Variants in PKHD1 observed in about 807,000 individuals in gnomAD.
PKHD1 encodes fibrocystin.
In PKHD1, 291 loss-of-function variants were observed where a neutral mutation model predicts 412.0. The ratio of observed to expected loss-of-function variants is 0.71; its 90% CI spans 0.64 to 0.78. The LOEUF is 0.78. Among genes scored for constraint, PKHD1 ranks in the 30% least tolerant of loss-of-function variants. PKHD1 has a pLI of 0.00. For missense variants in PKHD1, 4,825 were observed against 4,950.7 expected (o/e 0.97, Z 0.76); for synonymous variants, 1,777 against 1,821.5 (o/e 0.98, Z 0.62).
chr6:51,909,158 A>C, intron 40 of PKHD1, 125 bp downstream of exon 40: 1 of 788,684 alleles, frequency 1.3e-6, no homozygotes, highest in Non-Finnish European at 2.2e-6. Context: ...TAGACCTAGA[A>C]TATAACAATT....
At chr6:51,791,755 G>A (rs1169886204) in intron 52 of PKHD1, among the ~76,000 whole-genome samples, 1 of 152,194 alleles carries the variant, frequency 6.6e-6, no homozygotes, top group East Asian at 1.9e-4. Flanking sequence ...GCCTCTGAGG[G>A]AAGACTATTT....
chr6:51,794,156 C>A (rs1794208880), intron 52 of PKHD1, among the ~76,000 whole-genome samples: 1 of 151,716 alleles, frequency 6.6e-6, no homozygotes. Context: ...TCTGCCTCAG[C>A]CTCCCGAGTA....
At chr6:51,719,493 C>T (rs1466635357) in intron 60 of PKHD1, among the ~76,000 whole-genome samples, 1 of 152,126 alleles carries the variant, frequency 6.6e-6, no homozygotes, top group Admixed American at 6.6e-5. Flanking sequence ...ATGCCAGTAG[C>T]ACCCCTCCAG....
At chr6:51,848,489 C>G (rs1399182530) in intron 49 of PKHD1, among the ~76,000 whole-genome samples, 1 of 152,166 alleles carries the variant, frequency 6.6e-6, no homozygotes, top group African/African-American at 2.4e-5. Flanking sequence ...CCCATTTTTA[C>G]ATTGAGGAAA....
At chr6:51,622,941 T>C (rs898508521) in intron 66 of PKHD1, 1 of 152,182 alleles carries the variant, frequency 6.6e-6, no homozygotes, top group Non-Finnish European at 1.5e-5. Context: ...CTATTACCTA[T>C]ATATGATATC....
chr6:51,887,306 G>T, intron 43 of PKHD1, 61 bp from the exon 44 acceptor site: 2 of 1,057,472 alleles, frequency 1.9e-6, no homozygotes, highest in Non-Finnish European at 3.0e-6. Context: ...TTGCTGGAAA[G>T]AAAGACTCTT....
At chr6:51,927,073 G>T (rs1346473416) in intron 37 of PKHD1, among the ~76,000 whole-genome samples, 1 of 152,116 alleles carries the variant, frequency 6.6e-6, no homozygotes, top group African/African-American at 2.4e-5. Context: ...TTTAAGAGTA[G>T]AAAAAGGAAT....
intron 55 of PKHD1, among the ~76,000 whole-genome samples, chr6:51,764,946 A>T (rs912731076): frequency 6.6e-6 from 1 of 151,964 alleles, no homozygotes; most frequent in Non-Finnish European, 1.5e-5. Flanking sequence ...TCTTCTACCC[A>T]TGTCTTCTTC....
chr6:51,986,177 A>C (rs1796195916), intron 35 of PKHD1, among the ~76,000 whole-genome samples: 1 of 152,244 alleles, frequency 6.6e-6, no homozygotes, highest in Non-Finnish European at 1.5e-5. Flanking sequence ...CTAATATTAT[A>C]GAAATGCCAT....
chr6:51,761,452 G>T (rs1030108024), intron 55 of PKHD1, among the ~76,000 whole-genome samples: 1 of 152,008 alleles, frequency 6.6e-6, no homozygotes, highest in Non-Finnish European at 1.5e-5. Flanking sequence ...GGGAAGCAAA[G>T]GTTGAAGAAA....
rs192442116 is a variant in PKHD1, at chr6:51,927,780, G to A, written c.6121+6330C>T. Among the ~76,000 whole-genome samples, 358 of 152,318 alleles carry A rather than the reference G, an allele frequency of 2.4e-3. 2 individuals carry two copies. Among genetic ancestry groups the A allele is most frequent in the Admixed American group, 4.6e-3 (71 of 15,304 alleles). On this transcript the variant is annotated intron_variant, in intron 37 of 66. Transcript: ENST00000371117. ...GGGTGATAAGTGAAACATCTTTCAT[G>A]TGGATTTGTAAGTTTCCTCTGGATA...
chr6:51,979,962 C>T (rs950903636), intron 35 of PKHD1, among the ~76,000 whole-genome samples: 2 of 152,174 alleles, frequency 1.3e-5, no homozygotes, highest in Non-Finnish European at 1.5e-5. Flanking sequence ...GCGCTCAGTG[C>T]CCACTGCTTT....
chr6:51,702,058 C>T (rs1278495516), intron 60 of PKHD1, among the ~76,000 whole-genome samples: 4 of 149,186 alleles, frequency 2.7e-5, no homozygotes, highest in Non-Finnish European at 5.9e-5. Flanking sequence ...ACTACTTGCA[C>T]ACACATGTTT....
At chr6:52,073,433 A>G in intron 7 of PKHD1, 30 bp downstream of exon 7, 1 of 1,359,844 alleles carries the variant, frequency 7.4e-7, no homozygotes, top group Non-Finnish European at 1.1e-6. Context: ...GTATGTAACT[A>G]GTTAAACACA....
chr6:52,030,320 G>T (rs953226800), intron 29 of PKHD1, among the ~76,000 whole-genome samples: 3 of 152,078 alleles, frequency 2.0e-5, no homozygotes, highest in Admixed American at 2.0e-4. Flanking sequence ...CAATAACATG[G>T]TTAATAAAGC....
intron 41 of PKHD1, among the ~76,000 whole-genome samples, chr6:51,906,005 C>T (rs973104818): frequency 6.6e-6 from 1 of 152,114 alleles, no homozygotes; most frequent in Non-Finnish European, 1.5e-5. Context: ...CTGAACTAAC[C>T]TTTAAAAGAT....
rs569439483 is a variant in PKHD1, at chr6:51,969,186, G to A, written c.5752-9160C>T. On this transcript the variant is annotated intron_variant, in intron 35 of 66. Coordinates refer to ENST00000371117, the MANE Select transcript of PKHD1 (RefSeq NM_138694.4). ...AGGAGACCATGTGGCTAGAACCCAA[G>A]AACAGCCTTTAATTGCTGAAAGTGG... Among the ~76,000 whole-genome samples, 2 of 152,288 alleles carry A rather than the reference G, an allele frequency of 1.3e-5. 1 individual carries two copies. The highest frequency in any genetic ancestry group is 4.1e-4 in the South Asian group (2 of 4,820).
chr6:51,745,520 G>A (rs895504730), intron 59 of PKHD1, among the ~76,000 whole-genome samples: 1 of 151,984 alleles, frequency 6.6e-6, no homozygotes. Context: ...TTTGATCTTG[G>A]ACTCCCCAGC....
At chr6:51,903,498 A>G in intron 43 of PKHD1, 99 bp downstream of exon 43, 2 of 963,650 alleles carry the variant, frequency 2.1e-6, no homozygotes, top group South Asian at 1.3e-5. Flanking sequence ...TTATTCTTCC[A>G]ATGTGGCCCA....
Sources: allele counts gnomAD v4.1 joint callset (sites outside exome capture counted in the v4.1 genomes callset), GRCh38; gene constraint gnomAD v4.1.1; transcripts MANE v1.5; gene names NCBI Gene and HGNC (gene_info 2026-07-23, HGNC 2026-07-21).